Variants in MAB21L3 observed in about 807,000 individuals in gnomAD.
MAB21L3 encodes the protein mab-21 like 3, also known as protein mab-21-like 3.
In MAB21L3, 36 loss-of-function variants were observed where a neutral mutation model predicts 37.7. The observed-to-expected ratio is 0.96, with a 90% confidence interval of 0.73 to 1.26. The LOEUF (loss-of-function observed/expected upper bound fraction) is 1.26, where lower values mean the gene tolerates loss of function less well. MAB21L3 is among the 50% of genes most tolerant of loss of function. The pLI, the probability that MAB21L3 is intolerant of heterozygous loss-of-function variation, is 0.00. For synonymous variants in MAB21L3, 186 were observed against 176.8 expected, an observed-to-expected ratio of 1.05 and a Z score of -0.41; for missense variants, 430 against 447.3, an observed-to-expected ratio of 0.96 and a Z score of 0.35.
At chr1:116,126,633 A>G (rs1382910445) in intron 5 of MAB21L3, among the ~76,000 whole-genome samples, 1 of 152,226 alleles carries the variant, frequency 6.6e-6, no homozygotes, top group Non-Finnish European at 1.5e-5. Context: ...CAGTGTCAGA[A>G]TATCTAGGTG....
At chr1:116,114,641 CT>C (rs1390329560) in intron 3 of MAB21L3, among the ~76,000 whole-genome samples, 3 of 152,154 alleles carry the variant, frequency 2.0e-5, no homozygotes, top group African/African-American at 4.8e-5. Context: ...GAGATGTGGC[CT>C]GCTAAATGAA....
intron 7 of MAB21L3, among the ~76,000 whole-genome samples, chr1:116,132,478 G>C (rs1311136205): frequency 6.6e-6 from 1 of 152,118 alleles, no homozygotes; most frequent in Non-Finnish European, 1.5e-5. Context: ...GAAAAGTGGA[G>C]ATCACTGGGC....
intron 4 of MAB21L3, among the ~76,000 whole-genome samples, chr1:116,123,482 C>T (rs1290178141): frequency 6.6e-6 from 1 of 151,958 alleles, no homozygotes; most frequent in Non-Finnish European, 1.5e-5. Context: ...TGTGTCAAAA[C>T]ATTCACCATT....
chr1:116,135,492 T>G lies in MAB21L3; in HGVS notation c.*2127T>G, dbSNP rs927695165. ...GAAATTGTGGCAATAATCAATAGCT[T>G]ACCAACCAAAAAGAGTCCAGGACCA... On this transcript the variant is annotated 3_prime_UTR_variant, in exon 8 of 8. Transcript: ENST00000369500. 2.8e-4 allele frequency among the ~76,000 whole-genome samples: 43 copies of G among 152,134 alleles called. No individual in the cohort carries two copies. The highest frequency in any genetic ancestry group is 9.9e-4 in the African/African-American group (41 of 41,504).
intron 3 of MAB21L3, among the ~76,000 whole-genome samples, chr1:116,115,737 T>C (rs1189788648): frequency 1.3e-5 from 2 of 152,180 alleles, no homozygotes; most frequent in African/African-American, 2.4e-5. Context: ...TAATTTATAT[T>C]TGAAGCAGTA....
intron 7 of MAB21L3, among the ~76,000 whole-genome samples, chr1:116,130,887 G>C (rs900668792): frequency 1.3e-5 from 2 of 152,152 alleles, no homozygotes; most frequent in East Asian, 3.9e-4. Flanking sequence ...GGTTATCTTC[G>C]CTTGCATGAA....
Position 116,128,331 on chromosome 1 carries a change from C to A in MAB21L3, c.847C>A (p.His283Asn). 6.2e-7 allele frequency: 1 copy of A among 1,611,280 alleles called. No individual in the cohort carries two copies. ...PGNRPVITSH[H>N]LQTVLFWTCE... ...GAACAGGCCGGTTATCACGTCCCACCATCTGCAGGTGAGTGTGGGGCAGGT... is the reference window on the plus strand; with the variant it reads ...GAACAGGCCGGTTATCACGTCCCACAATCTGCAGGTGAGTGTGGGGCAGGT... Residue 283 changes from histidine (H) to asparagine (N), a missense_variant, in exon 7 of 8, where the codon CAT (histidine) becomes AAT (asparagine). His to Asn is a moderately conservative substitution (Grantham distance 68). Transcript: ENST00000369500.
At chr1:116,123,557 C>T (rs548342110) in intron 4 of MAB21L3, among the ~76,000 whole-genome samples, 1 of 152,298 alleles carries the variant, frequency 6.6e-6, no homozygotes, top group African/African-American at 2.4e-5. Flanking sequence ...AACAAGCTGT[C>T]CAAAGACCTA....
intron 3 of MAB21L3, among the ~76,000 whole-genome samples, chr1:116,116,112 C>CTTT (rs1172586085): frequency 6.6e-6 from 1 of 152,186 alleles, no homozygotes; most frequent in Non-Finnish European, 1.5e-5. Flanking sequence ...CCACTGCCTG[C>CTTT]TTTTCCACAC....
chr1:116,120,829 C>T (rs1013528853), intron 3 of MAB21L3, 103 bp from the exon 4 acceptor site: 1 of 1,448,176 alleles, frequency 6.9e-7, no homozygotes. Flanking sequence ...GCTGAACTCC[C>T]TCAGTCACCC....
chr1:116,129,334 G>A lies in MAB21L3; in HGVS notation c.855+995G>A, dbSNP rs189878668. 2.6e-5 allele frequency among the ~76,000 whole-genome samples: 4 copies of A among 152,324 alleles called. No individual in the cohort carries two copies. The East Asian group carries it at 7.7e-4, about 29-fold the overall frequency. Reference sequence around the variant, plus strand: ...GAGTGAAGTGTACTCTCATGTAGCAGCTCTGTGCAGCCTGCTGGAGTAGGG... The same window carrying A: ...GAGTGAAGTGTACTCTCATGTAGCAACTCTGTGCAGCCTGCTGGAGTAGGG... On this transcript the variant is annotated intron_variant, in intron 7 of 7. Transcript: ENST00000369500.
In MAB21L3 at chr1:116,134,298, A is replaced by G. The variant is rs1660157133; in HGVS notation, c.*933A>G. 6.6e-6 allele frequency: 1 copy of G among 152,284 alleles called. No individual in the cohort carries two copies. Among genetic ancestry groups the G allele is most frequent in the African/African-American group, 2.4e-5 (1 of 41,456 alleles). 9.4% of individuals were successfully genotyped at this position (152,284 alleles called of 1,614,324 possible). A position where few individuals can be genotyped will look rare whatever the true frequency, so the allele number is the denominator to read the frequency against. ...CATTCACTCACTCACTCATTGACAA[A>G]TAATGCTCATTAGGCACCGGGAACA... is the stretch of plus-strand genomic sequence containing the variant. On this transcript the variant is annotated 3_prime_UTR_variant, in exon 8 of 8. Transcript: ENST00000369500.
Position 116,133,559 on chromosome 1 carries a change from A to G in MAB21L3, c.*194A>G. 1.6e-6 allele frequency: 1 copy of G among 608,330 alleles called. No individual in the cohort carries two copies. Among genetic ancestry groups the G allele is most frequent in the Non-Finnish European group, 2.9e-6 (1 of 344,904 alleles). The allele number at this position is 608,330 out of a possible 1,614,324, so 37.7% of individuals were successfully genotyped here. On this transcript the variant is annotated 3_prime_UTR_variant, in exon 8 of 8. Transcript: ENST00000369500. ...GGATGTCTGGCCCAGGCCTCCCTGG[A>G]GCCCAGCAAGCATTTCTGCCCTAGC... is the stretch of plus-strand genomic sequence containing the variant.
Position 116,135,013 on chromosome 1 carries a change from C to T in MAB21L3, c.*1648C>T, listed in dbSNP as rs1032415746. 6.6e-6 allele frequency: 1 copy of T among 152,134 alleles called. No individual in the cohort carries two copies. Among genetic ancestry groups the T allele is most frequent in the South Asian group, 2.1e-4 (1 of 4,830 alleles). 9.4% of individuals were successfully genotyped at this position (152,134 alleles called of 1,614,324 possible). On this transcript the variant is annotated 3_prime_UTR_variant, in exon 8 of 8. Coordinates refer to ENST00000369500, the MANE Select transcript of MAB21L3 (RefSeq NM_152367.3). ...TGAAAATGATTACTTTTCAAAAGTA[C>T]TGTAAACGGCAGGAAAGATCCAAAA...
intron 3 of MAB21L3, among the ~76,000 whole-genome samples, chr1:116,119,285 A>G (rs1224327480): frequency 6.6e-6 from 1 of 152,242 alleles, no homozygotes; most frequent in African/African-American, 2.4e-5. Flanking sequence ...GACATGCTAA[A>G]CAAATACTTA....
In MAB21L3 at chr1:116,124,061, C is replaced by A; in HGVS notation, c.190-5C>A. 1.3e-6 allele frequency: 2 copies of A among 1,594,186 alleles called. No homozygotes were observed. The highest frequency in any genetic ancestry group is 2.2e-5 in the South Asian group (2 of 89,220). ...TGCTTGTTTTCAATCCTTTCCTGAC[C>A]CTAGGTTTTGGCTCCCAGTCAGTTC... On this transcript the variant is annotated splice_polypyrimidine_tract_variant and splice_region_variant and intron_variant, in intron 4 of 7. Transcript: ENST00000369500.
chr1:116,127,207 G>A (rs1659932714), intron 5 of MAB21L3, among the ~76,000 whole-genome samples: 1 of 152,126 alleles, frequency 6.6e-6, no homozygotes, highest in African/African-American at 2.4e-5. Context: ...TTGGGGTTGG[G>A]GGAGAAAGAA....
chr1:116,130,477 A>G (rs567269677), intron 7 of MAB21L3, among the ~76,000 whole-genome samples: 1 of 152,330 alleles, frequency 6.6e-6, no homozygotes, highest in African/African-American at 2.4e-5. Flanking sequence ...ATTATCTCCC[A>G]TTTAGGCATC....
rs569872260 is a variant in MAB21L3, at chr1:116,112,847, G to A, written c.48+184G>A. On this transcript the variant is annotated intron_variant, in intron 3 of 7. Coordinates refer to ENST00000369500, the MANE Select transcript of MAB21L3 (RefSeq NM_152367.3). ...TATATCAGCCTTACTTCTCTTTGAG[G>A]GTCTGGTACCCAGAGACATGCTGAG... Among the ~76,000 whole-genome samples, 16 of 152,210 alleles carry A rather than the reference G, an allele frequency of 1.1e-4. No individual in the cohort carries two copies. In the East Asian group the frequency reaches 2.5e-3, roughly 24 times the overall value.
Sources: gnomAD v4.1 joint callset for allele counts (sites outside exome capture counted in the v4.1 genomes callset) on GRCh38, gnomAD v4.1.1 for gene constraint, MANE v1.5 for transcripts, NCBI Gene and HGNC (gene_info 2026-07-23, HGNC 2026-07-21) for gene names.